The following MACO1 variants were observed in gnomAD, a reference collection of about 807,000 sequenced individuals.
The protein encoded by MACO1 is macoilin 1.
MACO1 carries 14 observed loss-of-function variants against 78.7 expected under a neutral mutation model. That is an observed-to-expected ratio of 0.18 (90% CI 0.12 to 0.28). The LOEUF (loss-of-function observed/expected upper bound fraction) is 0.28. Ranked by LOEUF, MACO1 falls within the 10% of genes least tolerant of loss-of-function variation. MACO1 has a pLI of 1.00. For synonymous variants in MACO1, 288 were observed against 291.6 expected, an observed-to-expected ratio of 0.99 and a Z score of 0.12; for missense variants, 501 against 799.0, an observed-to-expected ratio of 0.63 and a Z score of 4.50.
chr1:25,459,472 A>G (rs1396075989), intron 6 of MACO1, among the ~76,000 whole-genome samples: 1 of 141,434 alleles, frequency 7.1e-6, no homozygotes, highest in Non-Finnish European at 1.5e-5. Context: ...TGCTTTTCTC[A>G]TTTTAATTAA....
chr1:25,438,519 A>G (rs1180497079), intron 1 of MACO1, among the ~76,000 whole-genome samples: 1 of 152,266 alleles, frequency 6.6e-6, no homozygotes, highest in African/African-American at 2.4e-5. Flanking sequence ...AAGAGTACAG[A>G]AACAGAAGTT....
At chr1:25,462,946 C>G (rs897830653) in intron 6 of MACO1, among the ~76,000 whole-genome samples, 1 of 152,216 alleles carries the variant, frequency 6.6e-6, no homozygotes, top group Non-Finnish European at 1.5e-5. Flanking sequence ...CACAGCCACT[C>G]TCATTCATTT....
intron 6 of MACO1, among the ~76,000 whole-genome samples, chr1:25,470,750 C>T (rs1419984589): frequency 2.6e-5 from 4 of 152,142 alleles, no homozygotes; most frequent in Admixed American, 6.6e-5. Context: ...GGGTAGGGGC[C>T]GGGCTCAGTG....
chr1:25,456,513 G>A (rs918816965), intron 4 of MACO1, 140 bp from the exon 5 acceptor site: 4 of 826,350 alleles, frequency 4.8e-6, no homozygotes, highest in Admixed American at 6.3e-5. Flanking sequence ...TTATTTGTGT[G>A]TCTAGTGAAT....
intron 10 of MACO1, among the ~76,000 whole-genome samples, chr1:25,494,497 A>G (rs1275315644): frequency 2.0e-5 from 3 of 152,170 alleles, no homozygotes; most frequent in African/African-American, 7.2e-5. Flanking sequence ...AAGCCATACT[A>G]GAGAGGGTAT....
intron 6 of MACO1, among the ~76,000 whole-genome samples, chr1:25,476,486 C>T (rs2043322661): frequency 6.6e-6 from 1 of 152,192 alleles, no homozygotes; most frequent in Non-Finnish European, 1.5e-5. Flanking sequence ...GTAGGCCTCA[C>T]TTAAGATGGG....
At chr1:25,433,714 T>G (rs1039006298) in intron 1 of MACO1, among the ~76,000 whole-genome samples, 2 of 152,238 alleles carry the variant, frequency 1.3e-5, no homozygotes, top group Non-Finnish European at 2.9e-5. Context: ...GCTCTGCTGC[T>G]TTAGGCAGAC....
chr1:25,496,181 T>G (rs2043534980), intron 10 of MACO1, among the ~76,000 whole-genome samples: 1 of 151,200 alleles, frequency 6.6e-6, no homozygotes, highest in African/African-American at 2.4e-5. Context: ...AGACAGGGTC[T>G]CTGTCGCCCA....
At chr1:25,464,942 G>A (rs991927069) in intron 6 of MACO1, among the ~76,000 whole-genome samples, 8 of 151,364 alleles carry the variant, frequency 5.3e-5, no homozygotes, top group African/African-American at 1.9e-4. Context: ...CCAAAGTGCT[G>A]GAATTACAGG....
intron 2 of MACO1, among the ~76,000 whole-genome samples, chr1:25,447,897 C>T (rs1557660541): frequency 6.6e-6 from 1 of 152,090 alleles, no homozygotes; most frequent in African/African-American, 2.4e-5. Flanking sequence ...ACTATAACTC[C>T]CACCCAGGCC....
chr1:25,449,800 C>T (rs2043049036), intron 3 of MACO1, among the ~76,000 whole-genome samples: 1 of 152,252 alleles, frequency 6.6e-6, no homozygotes, highest in Non-Finnish European at 1.5e-5. Context: ...AGGCAGATCA[C>T]CTGAGGTCAG....
chr1:25,458,699 A>G lies in MACO1; in HGVS notation c.961A>G (p.Asn321Asp), dbSNP rs2043145095. 1 of 1,614,080 alleles carries G rather than the reference A, an allele frequency of 6.2e-7. No individual in the cohort carries two copies. The highest frequency in any genetic ancestry group is 1.7e-5 in the Admixed American group (1 of 60,000). Residue 321 changes from asparagine to aspartate, a missense_variant, in exon 6 of 11, where the codon AAT (asparagine) becomes GAT (aspartate). Transcript: ENST00000374343. ...KEDSCTASSKNYKNASGVVNS... is the reference protein window; with the variant it reads ...KEDSCTASSKDYKNASGVVNS... Reference sequence around the variant, plus strand: ...GGACTCATGCACTGCTTCCTCAAAAAATTACAAAAATGCCAGTGGAGTTGT... The same window carrying G: ...GGACTCATGCACTGCTTCCTCAAAAGATTACAAAAATGCCAGTGGAGTTGT...
intron 1 of MACO1, among the ~76,000 whole-genome samples, chr1:25,440,521 C>G (rs950353929): frequency 2.6e-5 from 4 of 151,864 alleles, no homozygotes; most frequent in African/African-American, 4.8e-5. Flanking sequence ...GTAATCCCAG[C>G]ACTTTGTGAG....
rs907846851 is a variant in MACO1 at position 25,498,526 on chromosome 1, C to T, written c.*60C>T. 8.4e-6 allele frequency: 12 copies of T among 1,434,820 alleles called. No homozygotes were observed. The highest frequency in any genetic ancestry group is 1.0e-5 in the Non-Finnish European group (11 of 1,057,110). 88.9% of individuals were successfully genotyped at this position (1,434,820 alleles called of 1,614,324 possible). On this transcript the variant is annotated 3_prime_UTR_variant, in exon 11 of 11. Coordinates refer to ENST00000374343, the MANE Select transcript of MACO1 (RefSeq NM_018202.6). ...ACCGGAAGGCATTGCAAAGGAGCGT[C>T]TCTGGCAGTCAAGATAAAAAAACAG...
chr1:25,432,957 G>A (rs2042888573), intron 1 of MACO1, among the ~76,000 whole-genome samples: 2 of 152,228 alleles, frequency 1.3e-5, no homozygotes, highest in African/African-American at 4.8e-5. Context: ...TGAATTCATC[G>A]TTTAATGAAG....
intron 6 of MACO1, among the ~76,000 whole-genome samples, chr1:25,482,649 G>A (rs1329187763): frequency 1.3e-5 from 2 of 152,154 alleles, no homozygotes; most frequent in African/African-American, 4.8e-5. Flanking sequence ...TCTCTCCTCA[G>A]ACTCACATAG....
chr1:25,438,511 G>C (rs2042939593), intron 1 of MACO1, among the ~76,000 whole-genome samples: 1 of 152,234 alleles, frequency 6.6e-6, no homozygotes, highest in Non-Finnish European at 1.5e-5. Flanking sequence ...ACTATTGAAA[G>C]AGTACAGAAA....
intron 4 of MACO1, among the ~76,000 whole-genome samples, chr1:25,454,668 G>A (rs1453553582): frequency 6.6e-6 from 1 of 151,194 alleles, no homozygotes; most frequent in Non-Finnish European, 1.5e-5. Flanking sequence ...TTTTAGTAGA[G>A]ACAGGGTTTC....
At chr1:25,466,523 G>C (rs2043220822) in intron 6 of MACO1, among the ~76,000 whole-genome samples, 1 of 152,144 alleles carries the variant, frequency 6.6e-6, no homozygotes, top group Admixed American at 6.5e-5. Flanking sequence ...ATGTTGGTCA[G>C]GCTGGTCTCA....
Sources: gnomAD v4.1 joint callset for allele counts (sites outside exome capture counted in the v4.1 genomes callset) on GRCh38, gnomAD v4.1.1 for gene constraint, MANE v1.5 for transcripts, NCBI Gene and HGNC (gene_info 2026-07-23, HGNC 2026-07-21) for gene names.